SNX6: variants seen among roughly 807,000 people sequenced by gnomAD.
SNX6 encodes the protein sorting nexin-6.
A neutral mutation model predicts 63.0 loss-of-function variants in SNX6; 34 were observed. The ratio of observed to expected loss-of-function variants is 0.54; its 90% CI spans 0.41 to 0.72. The LOEUF (loss-of-function observed/expected upper bound fraction) is 0.72, where lower values mean the gene tolerates loss of function less well. SNX6 is among the 30% of genes least tolerant of loss of function. The pLI is 0.00. For synonymous variants in SNX6, 170 were observed against 164.2 expected (o/e 1.04, Z -0.27); for missense variants, 398 against 471.4 (o/e 0.84, Z 1.44).
At chr14:34,624,182 C>T (rs1319630866) in intron 2 of SNX6, among the ~76,000 whole-genome samples, 1 of 152,042 alleles carries the variant, frequency 6.6e-6, no homozygotes, top group Admixed American at 6.6e-5. Context: ...CTCACTGCAA[C>T]CTCTGCCTCC....
At chr14:34,565,076 AC>A (rs1407632227) in intron 13 of SNX6, among the ~76,000 whole-genome samples, 2 of 136,616 alleles carry the variant, frequency 1.5e-5, no homozygotes, top group Admixed American at 7.4e-5. Flanking sequence ...ACATGTCATG[AC>A]TTTTTTTTTT....
intron 4 of SNX6, 49 bp from the exon 5 acceptor site, chr14:34,605,766 A>C: frequency 6.3e-7 from 1 of 1,580,636 alleles, no homozygotes; most frequent in Non-Finnish European, 8.5e-7. Context: ...CATTTCTTGA[A>C]GCATTGTACT....
chr14:34,603,504 A>G (rs754519545), intron 5 of SNX6, 33 bp from the exon 6 acceptor site: 3 of 1,514,146 alleles, frequency 2.0e-6, no homozygotes, highest in African/African-American at 1.4e-5. Flanking sequence ...AAGGTAAAAA[A>G]CTCCATCAAC....
At chr14:34,574,335 CAA>C (rs752543547) in intron 11 of SNX6, among the ~76,000 whole-genome samples, 14 of 101,828 alleles carry the variant, frequency 1.4e-4, no homozygotes, top group Non-Finnish European at 1.3e-4. Flanking sequence ...GAGTCCACCT[CAA>C]AAAAAAAAAA....
intron 2 of SNX6, among the ~76,000 whole-genome samples, chr14:34,610,472 A>G (rs1465356649): frequency 2.0e-5 from 3 of 151,898 alleles, no homozygotes; most frequent in Admixed American, 2.0e-4. Context: ...CTTGAAGCAC[A>G]ATAATAAGAA....
intron 6 of SNX6, among the ~76,000 whole-genome samples, chr14:34,601,219 C>CT (rs77009422): frequency 0.027 from 3,844 of 141,188 alleles, 136 homozygotes; most frequent in African/African-American, 0.075. Flanking sequence ...AACCCTATTT[C>CT]TTTTTTTTTT....
chr14:34,582,290 C>G (rs1881972992), intron 9 of SNX6, among the ~76,000 whole-genome samples: 1 of 151,846 alleles, frequency 6.6e-6, no homozygotes, highest in South Asian at 2.1e-4. Flanking sequence ...TGCCCCCATG[C>G]CTGGCTAACT....
At chr14:34,629,553 A>G (rs920388017) in intron 2 of SNX6, 3 of 552,778 alleles carry the variant, frequency 5.4e-6, no homozygotes, top group Non-Finnish European at 1.0e-5. Context: ...AGGTCCGAGA[A>G]TGGGTTTTCA....
At chr14:34,574,492 A>C (rs543054248) in intron 11 of SNX6, among the ~76,000 whole-genome samples, 2 of 151,866 alleles carry the variant, frequency 1.3e-5, no homozygotes, top group African/African-American at 4.8e-5. Flanking sequence ...TCTACTAAAA[A>C]TACGAAAACT....
At chr14:34,612,026 G>A (rs1883251147) in intron 2 of SNX6, among the ~76,000 whole-genome samples, 2 of 152,082 alleles carry the variant, frequency 1.3e-5, no homozygotes, top group African/African-American at 2.4e-5. Context: ...TGATACGCCC[G>A]CCTCGGCCTC....
chr14:34,592,371 A>C, intron 8 of SNX6, among the ~76,000 whole-genome samples: 1 of 152,046 alleles, frequency 6.6e-6, no homozygotes, highest in Admixed American at 6.6e-5. Flanking sequence ...CCTGGGCGAT[A>C]GAGACTCTGT....
intron 7 of SNX6, 100 bp downstream of exon 7, chr14:34,597,445 CGTCCA>C: frequency 1.4e-6 from 1 of 721,306 alleles, no homozygotes; most frequent in South Asian, 1.8e-5. Flanking sequence ...AGATTCTAAC[CGTCCA>C]AATGTCTTTT....
At chr14:34,585,914 A>T (rs941321459) in intron 9 of SNX6, among the ~76,000 whole-genome samples, 76 of 141,992 alleles carry the variant, frequency 5.4e-4, no homozygotes, top group African/African-American at 1.3e-3. Context: ...TTATTTATTT[A>T]TTTTTTTTGA....
At chr14:34,604,327 T>C (rs1412851198) in intron 5 of SNX6, 2 of 1,203,038 alleles carry the variant, frequency 1.7e-6, no homozygotes, top group Non-Finnish European at 2.1e-6. Flanking sequence ...GATTCTTCGA[T>C]ATTAATGTGC....
intron 13 of SNX6, among the ~76,000 whole-genome samples, chr14:34,567,029 T>C (rs1188420384): frequency 6.6e-6 from 1 of 151,446 alleles, no homozygotes; most frequent in Non-Finnish European, 1.5e-5. Context: ...TCGAGACCAG[T>C]CTGGCTAACA....
intron 9 of SNX6, among the ~76,000 whole-genome samples, chr14:34,584,764 G>T (rs57338661): frequency 0.47 from 71,262 of 151,530 alleles, 17,365 homozygotes; most frequent in East Asian, 0.73. Context: ...AATATATATA[G>T]AGAGAGAGAG....
At chr14:34,605,543 C>CAA (rs1882982417) in intron 5 of SNX6, 53 bp downstream of exon 5, 1 of 1,432,472 alleles carries the variant, frequency 7.0e-7, no homozygotes, top group African/African-American at 1.5e-5. Context: ...GCACAATTAA[C>CAA]AAAGGCAACA....
intron 2 of SNX6, among the ~76,000 whole-genome samples, chr14:34,625,461 G>A (rs941377690): frequency 2.0e-5 from 3 of 152,042 alleles, no homozygotes; most frequent in South Asian, 2.1e-4. Flanking sequence ...GGCCGGGCGC[G>A]GTGGCTCACA....
chr14:34,596,080 C>T (rs528103131), intron 7 of SNX6, among the ~76,000 whole-genome samples: 1 of 151,602 alleles, frequency 6.6e-6, no homozygotes, highest in African/African-American at 2.4e-5. Context: ...ATTAGCTGGG[C>T]GTGATGGCGG....
Sources: allele counts gnomAD v4.1 joint callset (sites outside exome capture counted in the v4.1 genomes callset), GRCh38; gene constraint gnomAD v4.1.1; transcripts MANE v1.5; gene names NCBI Gene and HGNC (gene_info 2026-07-23, HGNC 2026-07-21).